CYP2D6: variants seen among roughly 807,000 people sequenced by gnomAD.
CYP2D6 encodes cytochrome P450 family 2 subfamily D member 6 (gene/pseudogene).
In CYP2D6, 51 loss-of-function variants were observed where a neutral mutation model predicts 43.5. That is an observed-to-expected ratio of 1.17 (90% CI 0.94 to 1.48). CYP2D6 has a LOEUF of 1.48. Among genes scored for constraint, CYP2D6 ranks in the 40% most tolerant of loss-of-function variants. CYP2D6 has a pLI of 0.00. For missense variants in CYP2D6, 698 were observed against 688.0 expected (o/e 1.01, Z -0.16); for synonymous variants, 346 against 297.1 (o/e 1.16, Z -1.69).
rs777180476 is a variant in CYP2D6, at chr22:42,129,004, C to T, written c.505+29G>A. The T allele has an allele frequency of 1.1e-5, 17 of 1,596,480 alleles. 1 individual carries two copies. The Admixed American group carries it at 1.7e-4, about 16-fold the overall frequency. ...CCCCGTCCCCCGCCTTCCCAGTTCCCGCTTTGTGCCCTTCTGCCCATCACC... is the reference window on the plus strand; with the variant it reads ...CCCCGTCCCCCGCCTTCCCAGTTCCTGCTTTGTGCCCTTCTGCCCATCACC... On this transcript the variant is annotated intron_variant, in intron 3 of 8. Transcript: ENST00000645361.
chr22:42,129,906 G>A lies in CYP2D6; in HGVS notation c.184C>T (p.Arg62Trp), dbSNP rs267608311. 1.7e-5 allele frequency: 27 copies of A among 1,559,882 alleles called. No homozygotes were observed. The East Asian group carries it at 3.9e-4, about 22-fold the overall frequency. The change falls in exon 2 of 9, where the codon CGG (arginine) becomes TGG (tryptophan). Residue 62 changes from arginine to tryptophan, a missense_variant. Physicochemically the swap from Arg to Trp is moderately radical, Grantham distance 101 (BLOSUM62 -3). Transcript: ENST00000645361. ...CTGAACACGTCCCCGAAGCGGCGCC[G>A]CAACTGCAGAGGGAGGGTCAGGGCC... ...QNTPYCFDQL[R>W]RRFGDVFSLQ...
In CYP2D6 at chr22:42,129,756, A is replaced by T; in HGVS notation, c.334T>A (p.Phe112Ile). The T allele has an allele frequency of 2.5e-6, 4 of 1,609,730 alleles. No homozygotes were observed. Among genetic ancestry groups the T allele is most frequent in the Non-Finnish European group, 3.4e-6 (4 of 1,178,092 alleles). ...TGCTTGCCTTGGGAACGCGGCCCGA[A>T]ACCCAGGATCTGGGTGATGGGCACA... is the stretch of plus-strand genomic sequence containing the variant. Reference protein sequence around the residue: ...PPVPITQILGFGPRSQGVFLA... With the variant: ...PPVPITQILGIGPRSQGVFLA... Residue 112 changes from phenylalanine to isoleucine, a missense_variant, in exon 2 of 9, where the codon TTC becomes ATC. This residue lies in a region of CYP2D6 where 588 missense variants were observed against 521.1 expected (regional missense o/e 1.13). Coordinates refer to ENST00000645361, the MANE Select transcript of CYP2D6 (RefSeq NM_000106.6).
Position 42,128,686 on chromosome 22 carries a change from C to T in CYP2D6, c.666+98G>A, listed in dbSNP as rs1931406764. ...GTCTCCTGGAATGTCCTTTCCCAAA[C>T]CCATCTATGCAAATCCTGCTCTTCC... On this transcript the variant is annotated intron_variant, in intron 4 of 8. Transcript: ENST00000645361. 119 of 1,412,500 alleles carry T rather than the reference C, an allele frequency of 8.4e-5. 3 individuals are homozygous for T. The South Asian group carries it at 1.3e-3, about 15-fold the overall frequency. The allele number at this position is 1,412,500 out of a possible 1,614,324, so 87.5% of individuals were successfully genotyped here.
Position 42,127,681 on chromosome 22 carries a change from G to A in CYP2D6, c.986-47C>T, listed in dbSNP as rs759802529. 3.3e-5 allele frequency: 52 copies of A among 1,590,444 alleles called. 2 individuals carry two copies. The highest frequency in any genetic ancestry group is 2.9e-4 in the South Asian group (26 of 90,278). On this transcript the variant is annotated intron_variant, in intron 6 of 8. Transcript: ENST00000645361. ...CAATGGGTCAGCACCCAGGGGGTCC[G>A]GCCCTGACACTCCTTCTTGCCTCCT...
chr22:42,129,255 C>T, intron 2 of CYP2D6, 70 bp from the exon 3 acceptor site: 1 of 1,546,084 alleles, frequency 6.5e-7, no homozygotes, highest in Non-Finnish European at 8.8e-7. Context: ...CCCACTCCAA[C>T]CCTATGCTCC....
rs267608277 is a variant in CYP2D6, at chr22:42,129,545, G to A, written c.352+193C>T. Among the ~76,000 whole-genome samples the A allele has an allele frequency of 7.8e-3, 1,179 of 151,442 alleles. 37 individuals carry two copies. The highest frequency in any genetic ancestry group is 0.01 in the Non-Finnish European group (712 of 67,812). On this transcript the variant is annotated intron_variant, in intron 2 of 8. Coordinates refer to ENST00000645361, the MANE Select transcript of CYP2D6 (RefSeq NM_000106.6). ...CCTGCCAGGTCTCGGCAGTGGCCCC[G>A]CCCACTCGTCACAAGCCCCGCCCTC... is the stretch of plus-strand genomic sequence containing the variant.
rs766662624 is a variant in CYP2D6, at chr22:42,127,600, C to G, written c.1020G>C (p.Gly340=). The G allele has an allele frequency of 2.5e-6, 4 of 1,611,984 alleles. No individual in the cohort carries two copies. The highest frequency in any genetic ancestry group is 1.3e-5 in the African/African-American group (1 of 74,708). The change falls in exon 7 of 9, where the codon GGG becomes GGC. Residue 340 remains glycine (G), a synonymous_variant. Transcript: ENST00000645361. ...CACCCATCTCTGGTCGCCGCACCTG[C>G]CCTATCACGTCGTCGATCTCCTGTT... is the stretch of plus-strand genomic sequence containing the variant. ...RVQQEIDDVI[G]QVRRPEMGDQ... is the part of the protein sequence containing the mutation.
rs774809311 is a variant in CYP2D6, at chr22:42,129,095, G to A, written c.443C>T (p.Ser148Leu). 24 of 1,610,206 alleles carry A rather than the reference G, an allele frequency of 1.5e-5. 2 individuals are homozygous for A. Among genetic ancestry groups the A allele is most frequent in the South Asian group, 1.2e-4 (11 of 90,838 alleles). The change falls in exon 3 of 9, where the codon TCG (serine) becomes TTG (leucine). Residue 148 changes from serine (S) to leucine (L), a missense_variant. Transcript: ENST00000645361. Reference protein sequence around the residue: ...TLRNLGLGKKSLEQWVTEEAA... With the variant: ...TLRNLGLGKKLLEQWVTEEAA... ...CTCCTCGGTCACCCACTGCTCCAGC[G>A]ACTTCTTGCCCAGGCCCAAGTTGCG...
In CYP2D6 at chr22:42,129,168, A is replaced by G. The variant is rs374852685; in HGVS notation, c.370T>C (p.Tyr124His). 2 of 1,606,038 alleles carry G rather than the reference A, an allele frequency of 1.2e-6. No individual in the cohort carries two copies. The highest frequency in any genetic ancestry group is 1.7e-6 in the Non-Finnish European group (2 of 1,177,990). The change falls in exon 3 of 9, where the codon TAT becomes CAT. Residue 124 changes from tyrosine to histidine, a missense_variant. Coordinates refer to ENST00000645361, the MANE Select transcript of CYP2D6 (RefSeq NM_000106.6). ...PRSQGVFLAR[Y>H]GPAWREQRRF... is the part of the protein sequence containing the mutation. The stretch of plus-strand genomic sequence containing the variant: ...CTCTGCTCGCGCCACGCGGGCCCAT[A>G]GCGCGCCAGGAACACCCCTGGGGGT...
At chr22:42,128,489 C>G in intron 4 of CYP2D6, 139 bp from the exon 5 acceptor site, 1 of 1,037,656 alleles carries the variant, frequency 9.6e-7, no homozygotes, top group Non-Finnish European at 1.5e-6. Flanking sequence ...TCCCCAAGTG[C>G]CAGCCTCCAC....
At chr22:42,129,597 C>A in intron 2 of CYP2D6, 141 bp downstream of exon 2, 1 of 1,124,282 alleles carries the variant, frequency 8.9e-7, no homozygotes, top group Non-Finnish European at 1.3e-6. Context: ...CTCCCTAGTG[C>A]AGGTGGTTTC....
rs1430237020 is a variant in CYP2D6 at position 42,127,677 on chromosome 22, G to A, written c.986-43C>T. 6 of 1,591,508 alleles carry A rather than the reference G, an allele frequency of 3.8e-6. 1 individual carries two copies. Among genetic ancestry groups the A allele is most frequent in the South Asian group, 3.3e-5 (3 of 90,264 alleles). On this transcript the variant is annotated intron_variant, in intron 6 of 8. Coordinates refer to ENST00000645361, the MANE Select transcript of CYP2D6 (RefSeq NM_000106.6). Reference sequence around the variant, plus strand: ...CCCACAATGGGTCAGCACCCAGGGGGTCCGGCCCTGACACTCCTTCTTGCC... The same window carrying A: ...CCCACAATGGGTCAGCACCCAGGGGATCCGGCCCTGACACTCCTTCTTGCC...
In CYP2D6 at chr22:42,129,746, C is replaced by T. The variant is rs765866702; in HGVS notation, c.344G>A (p.Arg115His). 44 of 1,609,806 alleles carry T rather than the reference C, an allele frequency of 2.7e-5. 2 individuals are homozygous for T. The highest frequency in any genetic ancestry group is 3.6e-5 in the Non-Finnish European group (43 of 1,178,164). ...PITQILGFGP[R>H]SQGVFLARYG... Reference sequence around the variant, plus strand: ...TCCCCACCGCTGCTTGCCTTGGGAACGCGGCCCGAAACCCAGGATCTGGGT... The same window carrying T: ...TCCCCACCGCTGCTTGCCTTGGGAATGCGGCCCGAAACCCAGGATCTGGGT... Residue 115 changes from arginine (R) to histidine (H), a missense_variant, in exon 2 of 9, where the codon CGT (arginine) becomes CAT (histidine). Coordinates refer to ENST00000645361, the MANE Select transcript of CYP2D6 (RefSeq NM_000106.6).
At position 42,130,771 on chromosome 22, in the gene CYP2D6, C is replaced by A. The variant is rs529048433; in HGVS notation, c.21G>T (p.Val7=). The change falls in exon 1 of 9, where the codon GTG becomes GTT. Residue 7 remains valine (V), a synonymous_variant. Transcript: ENST00000645361. ...AGATGGCCACTATCACGGCCAGGGGCACCAGTGCTTCTAGCCCCATACCTG... is the reference window on the plus strand; with the variant it reads ...AGATGGCCACTATCACGGCCAGGGGAACCAGTGCTTCTAGCCCCATACCTG... MGLEAL[V]PLAVIVAIFL... 19 of 1,580,414 alleles carry A rather than the reference C, an allele frequency of 1.2e-5. No homozygotes were observed. The highest frequency in any genetic ancestry group is 1.6e-5 in the Non-Finnish European group (19 of 1,162,136).
In CYP2D6 at chr22:42,127,575, C is replaced by T. The variant is rs774382844; in HGVS notation, c.1045G>A (p.Asp349Asn). The change falls in exon 7 of 9, where the codon GAC becomes AAC. Residue 349 changes from aspartate to asparagine, a missense_variant. Asp to Asn is a conservative substitution (Grantham distance 23). This residue lies in a region of CYP2D6 where 588 missense variants were observed against 521.1 expected (regional missense o/e 1.13). Coordinates refer to ENST00000645361, the MANE Select transcript of CYP2D6 (RefSeq NM_000106.6). ...IGQVRRPEMG[D>N]QAHMPYTTAV... ...GTGGTGTAGGGCATGTGAGCCTGGT[C>T]ACCCATCTCTGGTCGCCGCACCTGC... The T allele has an allele frequency of 6.2e-7, 1 of 1,612,242 alleles. No homozygotes were observed. The highest frequency in any genetic ancestry group is 8.5e-7 in the Non-Finnish European group (1 of 1,178,780).
In CYP2D6 at chr22:42,127,599, G is replaced by C. The variant is rs1230699203; in HGVS notation, c.1021C>G (p.Gln341Glu). 1 of 1,611,938 alleles carries C rather than the reference G, an allele frequency of 6.2e-7. No individual in the cohort carries two copies. Among genetic ancestry groups the C allele is most frequent in the Non-Finnish European group, 8.5e-7 (1 of 1,178,582 alleles). The change falls in exon 7 of 9, where the codon CAG becomes GAG. Residue 341 changes from glutamine (Q) to glutamate (E), a missense_variant. By Grantham distance (29) the Gln-to-Glu change is conservative. Around this residue, in one of 5 missense-constraint regions of CYP2D6, gnomAD observed 588 missense variants for 521.1 expected, o/e 1.13. Coordinates refer to ENST00000645361, the MANE Select transcript of CYP2D6 (RefSeq NM_000106.6). ...VQQEIDDVIG[Q>E]VRRPEMGDQA... ...TCACCCATCTCTGGTCGCCGCACCT[G>C]CCCTATCACGTCGTCGATCTCCTGT...
intron 7 of CYP2D6, 102 bp downstream of exon 7, chr22:42,127,345 A>C: frequency 8.0e-7 from 1 of 1,250,240 alleles, no homozygotes; most frequent in Non-Finnish European, 1.1e-6. Context: ...ATTGAGGACT[A>C]GGTGGCCAGG....
At chr22:42,127,384 G>A (rs78139609) in intron 7 of CYP2D6, 63 bp downstream of exon 7, 4 of 1,367,598 alleles carry the variant, frequency 2.9e-6, no homozygotes, top group Non-Finnish European at 4.1e-6. Context: ...CCTGGCAGTA[G>A]CCATGCTGGG....
rs1405692039 is a variant in CYP2D6 at position 42,129,631 on chromosome 22, G to A, written c.352+107C>T. ...TCTTGGCCCGCTGTCCCCACTCGCT[G>A]GCCTGTTTCATGTCCACGACCCCGC... is the stretch of plus-strand genomic sequence containing the variant. On this transcript the variant is annotated intron_variant, in intron 2 of 8. Transcript: ENST00000645361. 17 of 1,456,406 alleles carry A rather than the reference G, an allele frequency of 1.2e-5. 2 individuals carry two copies. The highest frequency in any genetic ancestry group is 1.7e-4 in the Middle Eastern group (1 of 5,854). The allele number at this position is 1,456,406 out of a possible 1,614,324, so 90.2% of individuals were successfully genotyped here. A position where few individuals can be genotyped will look rare whatever the true frequency, so the allele number is the denominator to read the frequency against.
Sources: allele counts gnomAD v4.1 joint callset (sites outside exome capture counted in the v4.1 genomes callset), GRCh38; gene constraint gnomAD v4.1.1; regional missense constraint gnomAD v4.1.1; transcripts MANE v1.5; gene names NCBI Gene and HGNC (gene_info 2026-07-23, HGNC 2026-07-21).